The following LHPP variants were observed in gnomAD, a reference collection of about 807,000 sequenced individuals.
The protein encoded by LHPP is hLHPP.
A neutral mutation model predicts 30.3 loss-of-function variants in LHPP; 24 were observed. That is an observed-to-expected ratio of 0.79 (90% CI 0.57 to 1.11). The LOEUF is 1.11. Ranked by LOEUF, LHPP falls within the 50% of genes most tolerant of loss-of-function variation. The pLI, the probability that LHPP is intolerant of heterozygous loss-of-function variation, is 0.00. For missense variants in LHPP, 356 were observed against 367.2 expected, an observed-to-expected ratio of 0.97 and a Z score of 0.25; for synonymous variants, 150 against 157.1, an observed-to-expected ratio of 0.95 and a Z score of 0.34.
At chr10:124,577,517 G>A (rs1450952834) in intron 6 of LHPP, among the ~76,000 whole-genome samples, 2 of 152,166 alleles carry the variant, frequency 1.3e-5, no homozygotes, top group African/African-American at 2.4e-5. Flanking sequence ...GAGGCTCTGA[G>A]GCAGGTGGAC....
At chr10:124,508,080 T>C (rs1266552826) in intron 5 of LHPP, among the ~76,000 whole-genome samples, 1 of 151,942 alleles carries the variant, frequency 6.6e-6, no homozygotes, top group Non-Finnish European at 1.5e-5. Context: ...GCATCAGTCC[T>C]GACTATAGGG....
chr10:124,586,727 A>G (rs991850321), intron 6 of LHPP, among the ~76,000 whole-genome samples: 7 of 152,004 alleles, frequency 4.6e-5, no homozygotes, highest in East Asian at 1.9e-4. Context: ...AAGGACCACA[A>G]CTCTCCTGTG....
rs1954488549 is a variant in LHPP at position 124,517,408 on chromosome 10, G to A, written c.716+137G>A. The A allele has an allele frequency of 3.6e-6, 2 of 559,636 alleles. No individual in the cohort carries two copies. Among genetic ancestry groups the A allele is most frequent in the South Asian group, 2.4e-5 (1 of 41,672 alleles). 34.7% of individuals were successfully genotyped at this position (559,636 alleles called of 1,614,324 possible). ...TATGTGGGCATTCACTATCTTGTAT[G>A]TAATGGACCTCTAAGAACAGGGCTG... is the stretch of plus-strand genomic sequence containing the variant. On this transcript the variant is annotated intron_variant, in intron 6 of 6. Coordinates refer to ENST00000368842, the MANE Select transcript of LHPP (RefSeq NM_022126.4). This position sits in a 1 kb window ranked among gnomAD's most constrained non-coding sequence, Gnocchi z 4.1.
At chr10:124,532,129 C>T (rs915936535) in intron 6 of LHPP, among the ~76,000 whole-genome samples, 5 of 152,212 alleles carry the variant, frequency 3.3e-5, no homozygotes, top group African/African-American at 1.2e-4. Context: ...TCGGCACATC[C>T]TCACCGTTCT....
chr10:124,560,704 C>T (rs1195533694), intron 6 of LHPP, among the ~76,000 whole-genome samples: 4 of 152,172 alleles, frequency 2.6e-5, no homozygotes, highest in South Asian at 4.1e-4. Context: ...GCCTGGCCGG[C>T]CCAACTACAG....
chr10:124,554,285 A>G (rs1948247946), intron 6 of LHPP, among the ~76,000 whole-genome samples: 1 of 152,126 alleles, frequency 6.6e-6, no homozygotes, highest in African/African-American at 2.4e-5. Flanking sequence ...TTCTGGACTC[A>G]AGTGATCCTC....
Position 124,541,253 on chromosome 10 carries a change from C to T in LHPP, c.716+23982C>T, listed in dbSNP as rs72631140. On this transcript the variant is annotated intron_variant, in intron 6 of 6. Transcript: ENST00000368842. This position sits in a 1 kb window ranked among gnomAD's most constrained non-coding sequence, Gnocchi z 4.2. The stretch of plus-strand genomic sequence containing the variant: ...CTGTGCTTGGGGGACACAGCCGACA[C>T]GACCAGCCTGCAGTACCAGGATAGA... 0.088 allele frequency among the ~76,000 whole-genome samples: 13,413 copies of T among 152,240 alleles called. 767 individuals are homozygous for T. Among genetic ancestry groups the T allele is most frequent in the South Asian group, 0.25 (1,215 of 4,822 alleles).
chr10:124,461,999 C>T lies in LHPP; in HGVS notation c.125+12C>T. 2 of 1,209,362 alleles carry T rather than the reference C, an allele frequency of 1.7e-6. No homozygotes were observed. Among genetic ancestry groups the T allele is most frequent in the African/African-American group, 1.6e-5 (1 of 63,368 alleles). 74.9% of individuals were successfully genotyped at this position (1,209,362 alleles called of 1,614,324 possible). On this transcript the variant is annotated intron_variant, in intron 1 of 6. Transcript: ENST00000368842. ...GAGGCGGTGGCCAGGTGAGTGGGCC[C>T]CGGGACGCCGCTGGGGCCGCCGAGC...
At chr10:124,513,902 C>G (rs1954382841) in intron 5 of LHPP, among the ~76,000 whole-genome samples, 1 of 152,084 alleles carries the variant, frequency 6.6e-6, no homozygotes, top group Non-Finnish European at 1.5e-5. Context: ...CTGTATGACT[C>G]CCTCCACTCT....
At chr10:124,552,689 C>A (rs1948194766) in intron 6 of LHPP, among the ~76,000 whole-genome samples, 3 of 152,182 alleles carry the variant, frequency 2.0e-5, no homozygotes, top group Admixed American at 1.3e-4. Context: ...GCGTGGCTGC[C>A]AGAGACCATT....
chr10:124,569,303 T>C (rs988063112), intron 6 of LHPP, among the ~76,000 whole-genome samples: 4 of 152,102 alleles, frequency 2.6e-5, no homozygotes, highest in Non-Finnish European at 4.4e-5. Flanking sequence ...GTTTTTGAGG[T>C]TGTGCAAACG....
intron 3 of LHPP, among the ~76,000 whole-genome samples, chr10:124,490,799 C>G (rs1304914637): frequency 6.6e-6 from 1 of 152,250 alleles, no homozygotes; most frequent in East Asian, 1.9e-4. Context: ...GCTGCACAGA[C>G]TTATTCTGCA....
chr10:124,462,792 G>A (rs574797778), intron 1 of LHPP, among the ~76,000 whole-genome samples: 48 of 152,284 alleles, frequency 3.2e-4, no homozygotes, highest in African/African-American at 1.1e-3. Flanking sequence ...CCGCCTCCCG[G>A]GTGCAAGTGA....
intron 1 of LHPP, among the ~76,000 whole-genome samples, chr10:124,483,200 G>A (rs889689533): frequency 6.6e-6 from 1 of 152,160 alleles, no homozygotes; most frequent in Non-Finnish European, 1.5e-5. Flanking sequence ...TGTCCATCCC[G>A]GAATGTTGGT....
At chr10:124,581,325 C>G (rs1159963578) in intron 6 of LHPP, among the ~76,000 whole-genome samples, 1 of 152,178 alleles carries the variant, frequency 6.6e-6, no homozygotes, top group Non-Finnish European at 1.5e-5. Flanking sequence ...TGGGTTGTTT[C>G]TGCCTTTGGC....
chr10:124,607,265 CCCAGG>C (rs1328095557), intron 6 of LHPP, among the ~76,000 whole-genome samples: 1 of 152,220 alleles, frequency 6.6e-6, no homozygotes, highest in African/African-American at 2.4e-5. Flanking sequence ...ACTCCTCCTG[CCCAGG>C]CCATTGGACA....
At chr10:124,567,240 C>A (rs1044203538) in intron 6 of LHPP, among the ~76,000 whole-genome samples, 7 of 152,350 alleles carry the variant, frequency 4.6e-5, no homozygotes, top group East Asian at 1.9e-4. Flanking sequence ...GGTGGGCAGG[C>A]CTTGCCGTGG....
chr10:124,532,006 G>A (rs994428565), intron 6 of LHPP, among the ~76,000 whole-genome samples: 9 of 152,248 alleles, frequency 5.9e-5, no homozygotes, highest in Non-Finnish European at 1.2e-4. Context: ...GTGTGGGCTC[G>A]TGGCTTCCTA....
At chr10:124,495,944 C>T (rs75483297) in intron 3 of LHPP, among the ~76,000 whole-genome samples, 4,679 of 152,302 alleles carry the variant, frequency 0.031, 81 homozygotes, top group Middle Eastern at 0.075. Flanking sequence ...CCCAAAGTCA[C>T]ACCGTTAGAA....
Sources: allele counts gnomAD v4.1 joint callset (sites outside exome capture counted in the v4.1 genomes callset), GRCh38; gene constraint gnomAD v4.1.1; non-coding constraint Gnocchi (gnomAD v3.1); transcripts MANE v1.5; gene names NCBI Gene and HGNC (gene_info 2026-07-23, HGNC 2026-07-21).